Variants in VCL observed in about 807,000 individuals in gnomAD.
The protein encoded by VCL is vinculin.
A neutral mutation model predicts 125.7 loss-of-function variants in VCL; 47 were observed. The ratio of observed to expected loss-of-function variants is 0.37; its 90% confidence interval spans 0.30 to 0.48. VCL has a LOEUF of 0.48. Among genes scored for constraint, VCL ranks in the 20% least tolerant of loss-of-function variants. The pLI, the probability that VCL is intolerant of heterozygous loss-of-function variation, is 0.99. For missense variants in VCL, 1,069 were observed against 1,455.5 expected, an observed-to-expected ratio of 0.73 and a Z score of 4.32; for synonymous variants, 458 against 514.6, an observed-to-expected ratio of 0.89 and a Z score of 1.49.
At chr10:74,088,507 T>A (rs998796722) in intron 8 of VCL, among the ~76,000 whole-genome samples, 4 of 152,202 alleles carry the variant, frequency 2.6e-5, no homozygotes, top group African/African-American at 9.6e-5. Context: ...ATGATGATAA[T>A]TCAGTAATAA....
intron 14 of VCL, among the ~76,000 whole-genome samples, chr10:74,102,712 C>T (rs1332962049): frequency 1.3e-5 from 2 of 152,196 alleles, no homozygotes; most frequent in African/African-American, 2.4e-5. Context: ...ACATGTCTAA[C>T]ACTCTTTAAA....
At chr10:74,054,380 C>CT (rs1434340685) in intron 2 of VCL, among the ~76,000 whole-genome samples, 10 of 152,112 alleles carry the variant, frequency 6.6e-5, no homozygotes, top group African/African-American at 2.4e-4. Context: ...TGCTAATTAT[C>CT]TTTTTTTAGA....
At chr10:74,090,845 C>T (rs576307449) in intron 10 of VCL, among the ~76,000 whole-genome samples, 4 of 151,816 alleles carry the variant, frequency 2.6e-5, no homozygotes, top group East Asian at 1.9e-4. Context: ...CTACCACCCA[C>T]GCTGGAGTGC....
At chr10:74,017,605 T>C (rs926819185) in intron 1 of VCL, among the ~76,000 whole-genome samples, 5 of 149,282 alleles carry the variant, frequency 3.3e-5, no homozygotes, top group Non-Finnish European at 7.4e-5. Flanking sequence ...CAGGCTGGAG[T>C]GCAGTGGTAT....
Position 74,114,408 on chromosome 10 carries a change from CGTGTGTGT to C in VCL, c.3153+43_3153+50del, listed in dbSNP as rs3037359. ...TACAGGTACTCGGGGAAAGAGGCTG[CGTGTGTGT>C]GTGTGTGTGTGTGTGTGTGTGCGTG... On this transcript the variant is annotated intron_variant, in intron 20 of 21. Coordinates refer to ENST00000211998, the MANE Select transcript of VCL (RefSeq NM_014000.3). The C allele has an allele frequency of 0.13, 186,465 of 1,449,986 alleles. 6,049 individuals are homozygous for C. Among genetic ancestry groups the C allele is most frequent in the African/African-American group, 0.27 (18,167 of 66,458 alleles). The allele number at this position is 1,449,986 out of a possible 1,614,324, so 89.8% of individuals were successfully genotyped here. A position where few individuals can be genotyped will look rare whatever the true frequency, so the allele number is the denominator to read the frequency against.
At position 74,049,986 on chromosome 10, in the gene VCL, C is replaced by A. The variant is rs532527644; in HGVS notation, c.239+6833C>A. The stretch of plus-strand genomic sequence containing the variant: ...GTCATTGCTGTATACAGTGGAATTT[C>A]ATTCTTATTTCTGCAATGGAGCAGA... On this transcript the variant is annotated intron_variant, in intron 2 of 21. Transcript: ENST00000211998. Among the ~76,000 whole-genome samples, 7 of 152,254 alleles carry A rather than the reference C, an allele frequency of 4.6e-5. No individual in the cohort carries two copies. In the South Asian group the frequency reaches 1.4e-3, roughly 32 times the overall value.
rs72816362 is a variant in VCL, at chr10:74,065,706, G to C, written c.240-4964G>C. ...CTCAAAAAAAAAAAAGAAAAAAAAAGCAAGTTAAATTCACAATAGTTTATC... is the reference window on the plus strand; with the variant it reads ...CTCAAAAAAAAAAAAGAAAAAAAAACCAAGTTAAATTCACAATAGTTTATC... On this transcript the variant is annotated intron_variant, in intron 2 of 21. Transcript: ENST00000211998. Among the ~76,000 whole-genome samples the C allele has an allele frequency of 2.9e-3, 435 of 150,100 alleles. 1 individual carries two copies. Among genetic ancestry groups the C allele is most frequent in the Non-Finnish European group, 5.4e-3 (365 of 67,580 alleles).
chr10:74,054,952 A>G (rs1408045816), intron 2 of VCL, among the ~76,000 whole-genome samples: 1 of 152,020 alleles, frequency 6.6e-6, no homozygotes, highest in Non-Finnish European at 1.5e-5. Context: ...AACCAACAAC[A>G]AAATAATAAT....
rs369953229 is a variant in VCL at position 74,108,956 on chromosome 10, T to C, written c.2560-15T>C. 6.2e-7 allele frequency: 1 copy of C among 1,614,008 alleles called. No individual in the cohort carries two copies. ...GTTTTAGGACTTTACTTACAACTTGTTTTCTCTTTTTTAGCTAACAGATGA... is the reference window on the plus strand; with the variant it reads ...GTTTTAGGACTTTACTTACAACTTGCTTTCTCTTTTTTAGCTAACAGATGA... On this transcript the variant is annotated splice_polypyrimidine_tract_variant and intron_variant, in intron 17 of 21. Coordinates refer to ENST00000211998, the MANE Select transcript of VCL (RefSeq NM_014000.3).
intron 4 of VCL, among the ~76,000 whole-genome samples, chr10:74,072,457 A>G (rs891658730): frequency 6.6e-6 from 1 of 152,168 alleles, no homozygotes; most frequent in Non-Finnish European, 1.5e-5. Context: ...TTTAATAAAT[A>G]TATATTTATT....
chr10:74,117,903 A>C, intron 21 of VCL, 120 bp from the exon 22 acceptor site: 1 of 1,423,464 alleles, frequency 7.0e-7, no homozygotes, highest in South Asian at 1.2e-5. Flanking sequence ...GATGCAAGCA[A>C]ATATGGGGGA....
chr10:74,105,279 C>T lies in VCL; in HGVS notation c.2360C>T (p.Ser787Phe), dbSNP rs981215868. The T allele has an allele frequency of 1.2e-6, 2 of 1,613,700 alleles. No homozygotes were observed. Among genetic ancestry groups the T allele is most frequent in the Admixed American group, 1.7e-5 (1 of 59,998 alleles). Residue 787 changes from serine (S) to phenylalanine (F), a missense_variant, in exon 16 of 22, where the codon TCT (serine) becomes TTT (phenylalanine). This residue lies in a region of VCL where 760 missense variants were observed against 928.9 expected (regional missense o/e 0.82). Coordinates refer to ENST00000211998, the MANE Select transcript of VCL (RefSeq NM_014000.3). Reference protein sequence around the residue: ...PKFREAVKAASDELSKTISPM... With the variant: ...PKFREAVKAAFDELSKTISPM... ...TTCCGTGAGGCTGTGAAAGCTGCCT[C>T]TGATGAATTGAGCAAAACCATCTCC... is the stretch of plus-strand genomic sequence containing the variant.
chr10:74,056,487 C>G (rs574612109), intron 2 of VCL, among the ~76,000 whole-genome samples: 5 of 152,084 alleles, frequency 3.3e-5, no homozygotes, highest in Middle Eastern at 3.4e-3. Context: ...TTATGTTGTA[C>G]TTTAAGAGAG....
intron 7 of VCL, among the ~76,000 whole-genome samples, chr10:74,082,863 C>T (rs979400758): frequency 6.6e-6 from 1 of 152,150 alleles, no homozygotes; most frequent in African/African-American, 2.4e-5. Flanking sequence ...CTTCCAGTTC[C>T]CATTGAGCAG....
chr10:74,087,319 A>AT (rs376480908), intron 8 of VCL, among the ~76,000 whole-genome samples: 52 of 130,778 alleles, frequency 4.0e-4, no homozygotes, highest in South Asian at 1.2e-3. Context: ...TTATTTATTT[A>AT]TTTTTTTTTT....
At chr10:74,027,013 C>G (rs560391278) in intron 1 of VCL, among the ~76,000 whole-genome samples, 4 of 152,200 alleles carry the variant, frequency 2.6e-5, no homozygotes, top group African/African-American at 9.6e-5. Context: ...TGAAATTCTG[C>G]ACATTTGTGA....
chr10:74,016,738 G>A (rs575596721), intron 1 of VCL: 1 of 152,220 alleles, frequency 6.6e-6, no homozygotes, highest in Admixed American at 6.5e-5. Context: ...GTGGCATTAA[G>A]TACATTCACA....
intron 2 of VCL, among the ~76,000 whole-genome samples, chr10:74,060,655 CA>C (rs11398822): frequency 4.4e-4 from 48 of 109,214 alleles, no homozygotes; most frequent in East Asian, 1.6e-3. Context: ...GACTCTGTCT[CA>C]AAAAAAAAAA....
intron 7 of VCL, 122 bp downstream of exon 7, chr10:74,082,666 T>C: frequency 1.0e-6 from 1 of 1,004,612 alleles, no homozygotes. Context: ...TTATGGGGCA[T>C]ACCCCATTAT....
Sources: gnomAD v4.1 joint callset for allele counts (sites outside exome capture counted in the v4.1 genomes callset) on GRCh38, gnomAD v4.1.1 for gene constraint, gnomAD v4.1.1 regional missense constraint, MANE v1.5 for transcripts, NCBI Gene and HGNC (gene_info 2026-07-23, HGNC 2026-07-21) for gene names.